VAV3: variants seen among roughly 807,000 people sequenced by gnomAD.
The protein encoded by VAV3 is vav guanine nucleotide exchange factor 3, also known as guanine nucleotide exchange factor VAV3.
In VAV3, 94 loss-of-function variants were observed where a neutral mutation model predicts 131.2. That is an observed-to-expected ratio of 0.72 (90% CI 0.61 to 0.85). The LOEUF (loss-of-function observed/expected upper bound fraction) is 0.85. Ranked by LOEUF, VAV3 falls within the 40% of genes least tolerant of loss-of-function variation. VAV3 has a pLI of 0.00. For synonymous variants in VAV3, 349 were observed against 342.0 expected (o/e 1.02, Z -0.22); for missense variants, 939 against 1,002.7 (o/e 0.94, Z 0.86).
At chr1:107,729,889 G>A (rs1349800327) in intron 15 of VAV3, among the ~76,000 whole-genome samples, 1 of 152,164 alleles carries the variant, frequency 6.6e-6, no homozygotes, top group Non-Finnish European at 1.5e-5. Flanking sequence ...GATCATTAAT[G>A]TAGGGCACTG....
chr1:107,909,422 G>A (rs1229912613), intron 1 of VAV3, among the ~76,000 whole-genome samples: 2 of 151,738 alleles, frequency 1.3e-5, no homozygotes, highest in Non-Finnish European at 2.9e-5. Flanking sequence ...ATCAATAAAA[G>A]TTAAATGAAA....
chr1:107,915,562 T>C (rs1191504135), intron 1 of VAV3, among the ~76,000 whole-genome samples: 1 of 152,118 alleles, frequency 6.6e-6, no homozygotes, highest in East Asian at 1.9e-4. Flanking sequence ...AAACAATACC[T>C]CTTCACAGAG....
intron 2 of VAV3, among the ~76,000 whole-genome samples, chr1:107,798,394 T>C (rs1282803564): frequency 1.6e-5 from 2 of 123,076 alleles, no homozygotes; most frequent in African/African-American, 5.7e-5. Flanking sequence ...GGTGGCTGTT[T>C]GTGCCTCCAA....
chr1:107,909,542 A>G (rs1051843831), intron 1 of VAV3, among the ~76,000 whole-genome samples: 2 of 152,206 alleles, frequency 1.3e-5, no homozygotes, highest in Admixed American at 6.5e-5. Context: ...TCCAATTGGT[A>G]CAGATTAATC....
At chr1:107,932,842 A>G (rs533980456) in intron 1 of VAV3, among the ~76,000 whole-genome samples, 1 of 152,366 alleles carries the variant, frequency 6.6e-6, no homozygotes, top group Non-Finnish European at 1.5e-5. Flanking sequence ...AGTTGAAGAA[A>G]GCAAGAAAAT....
At chr1:107,900,383 A>C (rs758094229) in intron 1 of VAV3, among the ~76,000 whole-genome samples, 1 of 152,198 alleles carries the variant, frequency 6.6e-6, no homozygotes, top group Non-Finnish European at 1.5e-5. Context: ...AAAATGTGCT[A>C]ATAACTAAAT....
At chr1:107,744,469 CT>C (rs1663211939) in intron 15 of VAV3, among the ~76,000 whole-genome samples, 1 of 152,144 alleles carries the variant, frequency 6.6e-6, no homozygotes. Context: ...GCAAGAGGAC[CT>C]TTCATTTCCC....
At chr1:107,585,533 C>T (rs531270404) in intron 25 of VAV3, among the ~76,000 whole-genome samples, 1 of 152,272 alleles carries the variant, frequency 6.6e-6, no homozygotes, top group East Asian at 1.9e-4. Context: ...AACCTCATCT[C>T]CAGCTACTCT....
At chr1:107,956,914 G>A (rs1674843545) in intron 1 of VAV3, among the ~76,000 whole-genome samples, 1 of 152,120 alleles carries the variant, frequency 6.6e-6, no homozygotes, top group Non-Finnish European at 1.5e-5. Context: ...AATTATAATG[G>A]CTATAGTATT....
chr1:107,745,383 CA>C (rs1257704023), intron 15 of VAV3, among the ~76,000 whole-genome samples: 43 of 143,722 alleles, frequency 3.0e-4, no homozygotes, highest in African/African-American at 2.5e-4. Flanking sequence ...CCACTTATCA[CA>C]AAAAAAAAAG....
chr1:107,891,059 T>G (rs1200157662), intron 1 of VAV3, among the ~76,000 whole-genome samples: 1 of 152,170 alleles, frequency 6.6e-6, no homozygotes, highest in Non-Finnish European at 1.5e-5. Context: ...AAACAGAATT[T>G]CTGTACAAAG....
rs1006591258 is a variant in VAV3, at chr1:107,571,454, C to T, written c.*1877G>A. On this transcript the variant is annotated 3_prime_UTR_variant, in exon 27 of 27. Coordinates refer to ENST00000370056, the MANE Select transcript of VAV3 (RefSeq NM_006113.5). ...TGAAATGCAACAGGAAGACTAAACA[C>T]CATTTATAAGGAGAGGGTCTATTGA... The T allele has an allele frequency of 1.3e-5, 2 of 152,638 alleles. No individual in the cohort carries two copies. The highest frequency in any genetic ancestry group is 2.9e-5 in the Non-Finnish European group (2 of 68,046). 9.5% of individuals were successfully genotyped at this position (152,638 alleles called of 1,614,324 possible).
At chr1:107,880,667 A>C (rs184562120) in intron 1 of VAV3, among the ~76,000 whole-genome samples, 2 of 152,110 alleles carry the variant, frequency 1.3e-5, no homozygotes, top group African/African-American at 4.8e-5. Flanking sequence ...GTGGTGGCAC[A>C]CACCTATGGT....
At chr1:107,919,102 A>T (rs549156068) in intron 1 of VAV3, among the ~76,000 whole-genome samples, 38 of 152,340 alleles carry the variant, frequency 2.5e-4, no homozygotes, top group Non-Finnish European at 5.1e-4. Context: ...ATTTATAATT[A>T]AAAAACAAAT....
intron 25 of VAV3, among the ~76,000 whole-genome samples, chr1:107,579,896 A>G (rs1170380505): frequency 1.3e-5 from 2 of 152,184 alleles, no homozygotes; most frequent in East Asian, 3.9e-4. Flanking sequence ...ATATCTGCTC[A>G]TTCTGGAATG....
intron 22 of VAV3, among the ~76,000 whole-genome samples, chr1:107,604,388 T>A (rs1324770611): frequency 1.3e-5 from 2 of 152,174 alleles, no homozygotes. Flanking sequence ...AGATGGTACC[T>A]TGCGTTAAAA....
At chr1:107,902,200 GGACAGGAGGCTA>G (rs1671894742) in intron 1 of VAV3, among the ~76,000 whole-genome samples, 1 of 152,170 alleles carries the variant, frequency 6.6e-6, no homozygotes, top group Non-Finnish European at 1.5e-5. Context: ...CCAAGCTAAA[GGACAGGAGGCTA>G]GACCAAGGGT....
chr1:107,763,508 A>G (rs1242499972), intron 9 of VAV3, among the ~76,000 whole-genome samples: 3 of 152,212 alleles, frequency 2.0e-5, no homozygotes, highest in Non-Finnish European at 2.9e-5. Context: ...ACTAGGAAGT[A>G]GGTGTATAAG....
intron 19 of VAV3, among the ~76,000 whole-genome samples, chr1:107,643,295 G>C (rs1655494099): frequency 6.6e-6 from 1 of 152,132 alleles, no homozygotes; most frequent in African/African-American, 2.4e-5. Flanking sequence ...AAACTCTTCA[G>C]GCTCAAATTT....
Sources: gnomAD v4.1 joint callset for allele counts (sites outside exome capture counted in the v4.1 genomes callset) on GRCh38, gnomAD v4.1.1 for gene constraint, MANE v1.5 for transcripts, NCBI Gene and HGNC (gene_info 2026-07-23, HGNC 2026-07-21) for gene names.